MORN5: variants seen among roughly 807,000 people sequenced by gnomAD.
MORN5 encodes the protein MORN repeat-containing protein 5.
A neutral mutation model predicts 22.1 loss-of-function variants in MORN5; 21 were observed. That is an observed-to-expected ratio of 0.95 (90% CI 0.67 to 1.37). MORN5 has a LOEUF of 1.37. MORN5 is among the 40% of genes most tolerant of loss of function. The pLI is 0.00. For missense variants in MORN5, 211 were observed against 215.1 expected, an observed-to-expected ratio of 0.98 and a Z score of 0.12; for synonymous variants, 73 against 74.0, an observed-to-expected ratio of 0.99 and a Z score of 0.07.
intron 1 of MORN5, among the ~76,000 whole-genome samples, chr9:122,163,766 T>C (rs996117034): frequency 3.3e-5 from 5 of 152,172 alleles, no homozygotes; most frequent in African/African-American, 1.2e-4. Context: ...TAGATCCTGG[T>C]AGGGCCAAGC....
At chr9:122,183,048 C>A (rs1380464568) in intron 4 of MORN5, among the ~76,000 whole-genome samples, 5 of 152,236 alleles carry the variant, frequency 3.3e-5, no homozygotes, top group African/African-American at 1.2e-4. Flanking sequence ...CAGTTCCTGG[C>A]ACCCAGTGGG....
At position 122,196,620 on chromosome 9, in the gene MORN5, C is replaced by T. The variant is rs928233584; in HGVS notation, c.440-3265C>T. On this transcript the variant is annotated intron_variant, in intron 4 of 4. Transcript: ENST00000373764. Reference sequence around the variant, plus strand: ...TGCTGGGATTACAGGCGTAAGCCACCGCGCCCGGCAAAAGCCAATAATTAT... The same window carrying T: ...TGCTGGGATTACAGGCGTAAGCCACTGCGCCCGGCAAAAGCCAATAATTAT... 8.5e-5 allele frequency among the ~76,000 whole-genome samples: 13 copies of T among 152,170 alleles called. No individual in the cohort carries two copies. In the East Asian group the frequency reaches 1.7e-3, roughly 20 times the overall value.
At chr9:122,193,329 A>G (rs1449659854) in intron 4 of MORN5, among the ~76,000 whole-genome samples, 1 of 152,232 alleles carries the variant, frequency 6.6e-6, no homozygotes, top group Non-Finnish European at 1.5e-5. Flanking sequence ...GCTCACACCT[A>G]TAATCCCAGC....
chr9:122,189,168 C>T (rs150995625), intron 4 of MORN5, among the ~76,000 whole-genome samples: 85 of 151,784 alleles, frequency 5.6e-4, no homozygotes, highest in African/African-American at 2.0e-3. Context: ...GCACTCCAGC[C>T]TGGGTGACAG....
rs1010306693 is a variant in MORN5 at position 122,197,958 on chromosome 9, C to T, written c.440-1927C>T. ...TCACTGGCTGCTTGCCAGAGTGTGCCAGGCAGCAAGCCGTTTTCCTTAGGT... is the reference window on the plus strand; with the variant it reads ...TCACTGGCTGCTTGCCAGAGTGTGCTAGGCAGCAAGCCGTTTTCCTTAGGT... On this transcript the variant is annotated intron_variant, in intron 4 of 4. Transcript: ENST00000373764. This position sits in a 1 kb window ranked among gnomAD's most constrained non-coding sequence, Gnocchi z 5.7. Among the ~76,000 whole-genome samples the T allele has an allele frequency of 3.9e-5, 6 of 152,178 alleles. No homozygotes were observed. The highest frequency in any genetic ancestry group is 8.8e-5 in the Non-Finnish European group (6 of 68,032).
intron 3 of MORN5, 121 bp downstream of exon 3, chr9:122,169,877 A>G: frequency 1.4e-6 from 1 of 725,850 alleles, no homozygotes; most frequent in Admixed American, 2.3e-5. Flanking sequence ...GAGCAGGCGT[A>G]GAAGAATGCA....
intron 4 of MORN5, chr9:122,175,352 A>T: frequency 1.9e-6 from 1 of 518,506 alleles, no homozygotes; most frequent in Non-Finnish European, 2.5e-6. Flanking sequence ...CCAGGGGAGT[A>T]GGTACCTTGG....
chr9:122,180,028 G>T (rs1315098106), intron 4 of MORN5, among the ~76,000 whole-genome samples: 1 of 152,190 alleles, frequency 6.6e-6, no homozygotes, highest in Non-Finnish European at 1.5e-5. Flanking sequence ...AGCAGGTCAC[G>T]GGCTGGGCCA....
intron 4 of MORN5, among the ~76,000 whole-genome samples, chr9:122,191,985 T>C (rs1330323430): frequency 6.6e-6 from 1 of 152,224 alleles, no homozygotes; most frequent in African/African-American, 2.4e-5. Flanking sequence ...ACAATGGTGA[T>C]TGTAGCTTCC....
chr9:122,175,600 C>G, intron 4 of MORN5: 1 of 970,294 alleles, frequency 1.0e-6, no homozygotes, highest in Non-Finnish European at 1.2e-6. Flanking sequence ...ACACGTGCAC[C>G]CACACGCGCA....
At chr9:122,175,288 C>T (rs948906137) in intron 4 of MORN5, among the ~76,000 whole-genome samples, 11 of 152,072 alleles carry the variant, frequency 7.2e-5, no homozygotes, top group African/African-American at 2.4e-4. Context: ...GCACAGGCAA[C>T]GGCCTAGAGG....
intron 4 of MORN5, among the ~76,000 whole-genome samples, chr9:122,190,657 A>G (rs1470554317): frequency 1.3e-5 from 2 of 152,214 alleles, no homozygotes; most frequent in African/African-American, 2.4e-5. Context: ...ATGCTCTTCT[A>G]TGGGGAAAAG....
chr9:122,191,156 A>G (rs904307056), intron 4 of MORN5, among the ~76,000 whole-genome samples: 4 of 152,150 alleles, frequency 2.6e-5, no homozygotes, highest in African/African-American at 9.7e-5. Context: ...TCTGCACGTG[A>G]TGACACACAC....
At chr9:122,174,058 C>T (rs749296354) in intron 3 of MORN5, among the ~76,000 whole-genome samples, 1 of 152,220 alleles carries the variant, frequency 6.6e-6, no homozygotes, top group Non-Finnish European at 1.5e-5. Flanking sequence ...TTCATACGTG[C>T]TCTGCTCTAC....
intron 4 of MORN5, among the ~76,000 whole-genome samples, chr9:122,181,642 G>A (rs141821395): frequency 1.8e-4 from 28 of 152,270 alleles, no homozygotes; most frequent in African/African-American, 5.3e-4. Context: ...GAGAGATGGC[G>A]TGGTGTGGTG....
intron 4 of MORN5, 163 bp downstream of exon 4, chr9:122,174,790 C>T: frequency 6.7e-7 from 1 of 1,501,836 alleles, no homozygotes; most frequent in African/African-American, 1.4e-5. Flanking sequence ...CTTCTCGTGG[C>T]TGGCAAATCT....
intron 4 of MORN5, among the ~76,000 whole-genome samples, chr9:122,180,437 C>T (rs1829520720): frequency 6.6e-6 from 1 of 151,950 alleles, no homozygotes; most frequent in Non-Finnish European, 1.5e-5. Flanking sequence ...AGGCACACAC[C>T]ACCACACCGA....
intron 4 of MORN5, among the ~76,000 whole-genome samples, chr9:122,183,311 G>A (rs1564420205): frequency 2.0e-5 from 3 of 152,070 alleles, no homozygotes; most frequent in Non-Finnish European, 2.9e-5. Context: ...CTAGAGCCTC[G>A]CTGGCAGTTT....
At chr9:122,172,134 T>TC (rs1373113221) in intron 3 of MORN5, among the ~76,000 whole-genome samples, 1 of 151,354 alleles carries the variant, frequency 6.6e-6, no homozygotes, top group Non-Finnish European at 1.5e-5. Context: ...GTTAATTTTT[T>TC]TTTTTTTTTT....
Sources: gnomAD v4.1 joint callset for allele counts (sites outside exome capture counted in the v4.1 genomes callset) on GRCh38, gnomAD v4.1.1 for gene constraint, Gnocchi (gnomAD v3.1) non-coding constraint, MANE v1.5 for transcripts, NCBI Gene and HGNC (gene_info 2026-07-23, HGNC 2026-07-21) for gene names.